ARHGAP8: variants seen among roughly 807,000 people sequenced by gnomAD.
ARHGAP8 encodes Rho GTPase activating protein 8.
A neutral mutation model predicts 46.1 loss-of-function variants in ARHGAP8; 62 were observed. That is an observed-to-expected ratio of 1.34 (90% confidence interval 1.10 to 1.66). The LOEUF (loss-of-function observed/expected upper bound fraction) is 1.66. Among genes scored for constraint, ARHGAP8 ranks in the 40% most tolerant of loss-of-function variants. The probability of loss-of-function intolerance (pLI) is 0.00; values close to 1 mark genes in which losing one functional copy is unlikely to be tolerated. For synonymous variants in ARHGAP8, 375 were observed against 243.1 expected, an observed-to-expected ratio of 1.54 and a Z score of -5.05; for missense variants, 923 against 568.4, an observed-to-expected ratio of 1.62 and a Z score of -6.34.
intron 2 of ARHGAP8, among the ~76,000 whole-genome samples, chr22:44,790,742 T>C (rs1158184601): frequency 6.6e-6 from 1 of 150,986 alleles, no homozygotes; most frequent in Non-Finnish European, 1.5e-5. Flanking sequence ...GTTTTTTTTT[T>C]TTTTTTTGGA....
At chr22:44,855,346 G>A (rs907644361) in intron 10 of ARHGAP8, among the ~76,000 whole-genome samples, 1 of 151,678 alleles carries the variant, frequency 6.6e-6, no homozygotes, top group Non-Finnish European at 1.5e-5. Context: ...ATATTTTTTT[G>A]TAAAGACAGG....
chr22:44,783,834 C>G (rs533567952), intron 1 of ARHGAP8, among the ~76,000 whole-genome samples: 1 of 152,252 alleles, frequency 6.6e-6, no homozygotes, highest in South Asian at 2.1e-4. Context: ...TTCCTGGGCT[C>G]GGGCCCATCC....
chr22:44,851,446 C>G (rs532473227), intron 10 of ARHGAP8, among the ~76,000 whole-genome samples: 1 of 152,170 alleles, frequency 6.6e-6, no homozygotes, highest in Non-Finnish European at 1.5e-5. Context: ...GTGTCTCGCT[C>G]TGTCGCCCAG....
intron 3 of ARHGAP8, 63 bp from the exon 4 acceptor site, chr22:44,808,244 G>T: frequency 6.4e-7 from 1 of 1,571,166 alleles, no homozygotes; most frequent in Non-Finnish European, 8.6e-7. Context: ...TATAGGGAAA[G>T]CACGTTTGGT....
At chr22:44,827,104 C>A (rs763933729) in intron 7 of ARHGAP8, among the ~76,000 whole-genome samples, 1 of 151,966 alleles carries the variant, frequency 6.6e-6, no homozygotes, top group Non-Finnish European at 1.5e-5. Flanking sequence ...CAATCGCCAG[C>A]GTCTTTACAA....
At chr22:44,809,279 T>G (rs1036011559) in intron 4 of ARHGAP8, 29 of 355,688 alleles carry the variant, frequency 8.2e-5, no homozygotes, top group African/African-American at 2.0e-4. Flanking sequence ...TATTCTTCTG[T>G]TTTTTTTTTT....
chr22:44,858,533 C>CT (rs10700242), intron 10 of ARHGAP8, among the ~76,000 whole-genome samples: 1,106 of 89,760 alleles, frequency 0.012, 63 homozygotes, highest in African/African-American at 0.046. Context: ...CCATACCCGG[C>CT]TTTTTTTTTT....
intron 7 of ARHGAP8, among the ~76,000 whole-genome samples, chr22:44,843,257 T>G (rs1032604202): frequency 1.3e-5 from 2 of 152,178 alleles, no homozygotes; most frequent in Non-Finnish European, 2.9e-5. Flanking sequence ...TAAAAACTCT[T>G]TCAGATAAAC....
chr22:44,790,061 C>T (rs1340973915), intron 2 of ARHGAP8, among the ~76,000 whole-genome samples: 1 of 152,098 alleles, frequency 6.6e-6, no homozygotes, highest in African/African-American at 2.4e-5. Flanking sequence ...CTGGGAGGGT[C>T]AGCAGAGGAA....
intron 7 of ARHGAP8, among the ~76,000 whole-genome samples, chr22:44,838,374 G>C (rs1931430741): frequency 6.6e-6 from 1 of 152,162 alleles, no homozygotes; most frequent in Non-Finnish European, 1.5e-5. Flanking sequence ...CTGACCTCGT[G>C]ATCTGCCCAT....
At chr22:44,792,016 TCTTTC>T (rs1056144437) in intron 2 of ARHGAP8, among the ~76,000 whole-genome samples, 5 of 130,060 alleles carry the variant, frequency 3.8e-5, no homozygotes, top group Admixed American at 1.4e-4. Flanking sequence ...CTTCTTTCTT[TCTTTC>T]TTTTTTTTTT....
chr22:44,821,563 T>G (rs981165296), intron 5 of ARHGAP8, among the ~76,000 whole-genome samples: 1 of 152,204 alleles, frequency 6.6e-6, no homozygotes, highest in East Asian at 1.9e-4. Context: ...ATTACAGGCT[T>G]CTTATAAAGG....
intron 1 of ARHGAP8, chr22:44,766,051 T>C (rs739173): frequency 0.89 from 135,282 of 152,212 alleles, 60,231 homozygotes; most frequent in South Asian, 0.94. Flanking sequence ...CCTCCCCTGC[T>C]TGGCACCCGG....
At position 44,862,477 on chromosome 22, in the gene ARHGAP8, G is replaced by A. The variant is rs577495763; in HGVS notation, c.1184G>A (p.Trp395Ter). The A allele has an allele frequency of 1.6e-5, 26 of 1,613,620 alleles. No individual in the cohort carries two copies. The highest frequency in any genetic ancestry group is 5.3e-5 in the African/African-American group (4 of 75,030). Residue 395 changes from tryptophan (W) to a stop codon, truncating the protein, a stop_gained, in exon 12 of 12, where the codon TGG becomes TAG. Coordinates refer to ENST00000356099, the MANE Select transcript of ARHGAP8 (RefSeq NM_181335.3). LOFTEE classifies it low-confidence loss of function (END_TRUNC). ...CCTGGGGAGCACGGCCTGGCACCAT[G>A]GGAACAGGGGAGCAGGGCAGCCCCT... ...EAPGEHGLAP[W>*]EQGSRAAPLQ...
At chr22:44,858,382 T>TTTTC (rs1569184713) in intron 10 of ARHGAP8, among the ~76,000 whole-genome samples, 1 of 151,702 alleles carries the variant, frequency 6.6e-6, no homozygotes, top group African/African-American at 2.4e-5. Flanking sequence ...TTTTTTTTTT[T>TTTTC]TTGAGATGGA....
chr22:44,784,421 A>G (rs1044526439), intron 1 of ARHGAP8, among the ~76,000 whole-genome samples: 14 of 152,196 alleles, frequency 9.2e-5, no homozygotes, highest in African/African-American at 3.4e-4. Flanking sequence ...ACAAAACAAC[A>G]ACAAACAGTA....
At position 44,860,169 on chromosome 22, in the gene ARHGAP8, C is replaced by T. The variant is rs62232227; in HGVS notation, c.981+335C>T. Reference sequence around the variant, plus strand: ...AGTCTCTAGGAGGTGGGAGCTGTGTCCACCACTGGTACAGAGCCCAGTGGA... The same window carrying T: ...AGTCTCTAGGAGGTGGGAGCTGTGTTCACCACTGGTACAGAGCCCAGTGGA... On this transcript the variant is annotated intron_variant, in intron 11 of 11. Transcript: ENST00000356099. Among the ~76,000 whole-genome samples the T allele has an allele frequency of 8.2e-3, 1,196 of 145,758 alleles. 9 individuals are homozygous for T. Among genetic ancestry groups the T allele is most frequent in the Middle Eastern group, 0.021 (6 of 288 alleles).
At chr22:44,838,472 C>G (rs1028612521) in intron 7 of ARHGAP8, among the ~76,000 whole-genome samples, 2 of 152,050 alleles carry the variant, frequency 1.3e-5, no homozygotes, top group African/African-American at 4.8e-5. Context: ...CAGGGTTTCT[C>G]CATATTGCCC....
intron 7 of ARHGAP8, among the ~76,000 whole-genome samples, chr22:44,830,266 C>T (rs1930849198): frequency 6.6e-6 from 1 of 152,016 alleles, no homozygotes; most frequent in African/African-American, 2.4e-5. Context: ...TCAGGTGATC[C>T]ACCCGCCTCA....
Sources: gnomAD v4.1 joint callset for allele counts (sites outside exome capture counted in the v4.1 genomes callset) on GRCh38, gnomAD v4.1.1 for gene constraint, MANE v1.5 for transcripts, NCBI Gene and HGNC (gene_info 2026-07-23, HGNC 2026-07-21) for gene names.